Variants in EXT2 observed in about 807,000 individuals in gnomAD.
EXT2 encodes the protein exostosin glycosyltransferase 2, also known as exostosin-2.
In EXT2, 53 loss-of-function variants were observed where a neutral mutation model predicts 81.6. That is an observed-to-expected ratio of 0.65 (90% CI 0.52 to 0.82). The LOEUF (loss-of-function observed/expected upper bound fraction) is 0.82. Ranked by LOEUF, EXT2 falls within the 40% of genes least tolerant of loss-of-function variation. The pLI, the probability that EXT2 is intolerant of heterozygous loss-of-function variation, is 0.00. For missense variants in EXT2, 774 were observed against 910.2 expected (o/e 0.85, Z 1.93); for synonymous variants, 320 against 340.0 (o/e 0.94, Z 0.65).
rs1956112472 is a variant in EXT2, at chr11:44,248,306, G to A, written c.*4019G>A. ...ACTTCCTGAGGAGCAGTTCTGGCAG[G>A]AGTGTTAACCATATTGGCAGCAGCT... On this transcript the variant is annotated 3_prime_UTR_variant, in exon 14 of 14. Coordinates refer to ENST00000533608, the MANE Select transcript of EXT2 (RefSeq NM_207122.2). Among the ~76,000 whole-genome samples, 1 of 152,178 alleles carries A rather than the reference G, an allele frequency of 6.6e-6. No homozygotes were observed. The highest frequency in any genetic ancestry group is 1.5e-5 in the Non-Finnish European group (1 of 68,024).
At chr11:44,130,894 A>G (rs1590576109) in intron 7 of EXT2, among the ~76,000 whole-genome samples, 1 of 152,142 alleles carries the variant, frequency 6.6e-6, no homozygotes, top group South Asian at 2.1e-4. Flanking sequence ...GTCCCATGCC[A>G]CCCCCTGCTG....
chr11:44,172,835 A>T (rs992121804), intron 8 of EXT2, among the ~76,000 whole-genome samples: 1 of 152,048 alleles, frequency 6.6e-6, no homozygotes, highest in African/African-American at 2.4e-5. Context: ...TGTCCTCCCA[A>T]AGTGCTGGGA....
chr11:44,157,029 C>T (rs556408691), intron 7 of EXT2, among the ~76,000 whole-genome samples: 1 of 152,312 alleles, frequency 6.6e-6, no homozygotes, highest in South Asian at 2.1e-4. Flanking sequence ...GAAGAATTCG[C>T]TGGGTACTAG....
intron 1 of EXT2, chr11:44,103,776 T>A (rs1264998200): frequency 3.0e-5 from 10 of 329,416 alleles, no homozygotes; most frequent in Non-Finnish European, 1.8e-5. Flanking sequence ...TTTTTCCATG[T>A]TATCTGAGTT....
At chr11:44,124,742 A>T in intron 4 of EXT2, 47 bp from the exon 5 acceptor site, 1 of 1,566,592 alleles carries the variant, frequency 6.4e-7, no homozygotes. Context: ...TACCTTGACT[A>T]ACATACCAGC....
intron 5 of EXT2, 34 bp downstream of exon 5, chr11:44,125,018 A>G (rs749477847): frequency 2.5e-6 from 4 of 1,602,966 alleles, no homozygotes; most frequent in South Asian, 1.1e-5. Context: ...GCAAAGGCTC[A>G]GGAGAGTTTG....
intron 7 of EXT2, among the ~76,000 whole-genome samples, chr11:44,134,181 A>G (rs904945628): frequency 6.6e-6 from 1 of 152,218 alleles, no homozygotes; most frequent in Non-Finnish European, 1.5e-5. Context: ...TCAGTAGAAG[A>G]CAGTAGTTGT....
rs1247520637 is a variant in EXT2, at chr11:44,248,094, C to T, written c.*3807C>T. On this transcript the variant is annotated 3_prime_UTR_variant, in exon 14 of 14. Transcript: ENST00000533608. ...TGTTGGAGACTTCCCATCAGCCACC[C>T]ATCATGAGCCTGGTGTGTTTCCTTT... is the stretch of plus-strand genomic sequence containing the variant. 3.9e-5 allele frequency among the ~76,000 whole-genome samples: 6 copies of T among 152,168 alleles called. No homozygotes were observed. The highest frequency in any genetic ancestry group is 1.3e-4 in the Admixed American group (2 of 15,270).
At chr11:44,230,462 T>G (rs1285820725) in intron 10 of EXT2, among the ~76,000 whole-genome samples, 3 of 152,206 alleles carry the variant, frequency 2.0e-5, no homozygotes, top group African/African-American at 4.8e-5. Context: ...TACCTCAAAA[T>G]GTGACTTTAT....
chr11:44,185,204 C>G (rs1187514197), intron 8 of EXT2, among the ~76,000 whole-genome samples: 1 of 152,190 alleles, frequency 6.6e-6, no homozygotes, highest in African/African-American at 2.4e-5. Context: ...CCAGCATGAG[C>G]GTTAAAACCA....
chr11:44,154,689 AT>A (rs1446920374), intron 7 of EXT2, among the ~76,000 whole-genome samples: 1 of 151,930 alleles, frequency 6.6e-6, no homozygotes, highest in Admixed American at 6.6e-5. Context: ...GTTTAGTTCT[AT>A]TTTTAGTTTT....
At chr11:44,117,031 G>A (rs1016555385) in intron 4 of EXT2, among the ~76,000 whole-genome samples, 9 of 149,988 alleles carry the variant, frequency 6.0e-5, no homozygotes, top group East Asian at 2.0e-4. Context: ...GTGCAATGGC[G>A]TGATCTCGGC....
At position 44,249,110 on chromosome 11, in the gene EXT2, T is replaced by C. The variant is rs1035225188; in HGVS notation, c.*4823T>C. ...CTCCTGGACTCAAGCAGTCTTCCCA[T>C]CTCAGCCTTCCAAGTAGCTGAGACT... On this transcript the variant is annotated 3_prime_UTR_variant, in exon 14 of 14. Transcript: ENST00000533608. Among the ~76,000 whole-genome samples, 14 of 152,096 alleles carry C rather than the reference T, an allele frequency of 9.2e-5. No individual in the cohort carries two copies. The highest frequency in any genetic ancestry group is 2.1e-4 in the South Asian group (1 of 4,818).
intron 10 of EXT2, among the ~76,000 whole-genome samples, chr11:44,214,777 G>A (rs1955697153): frequency 6.6e-6 from 1 of 150,908 alleles, no homozygotes; most frequent in African/African-American, 2.4e-5. Flanking sequence ...AAAGACAGAG[G>A]GTCTCACTCT....
At chr11:44,146,654 C>T (rs975418672) in intron 7 of EXT2, among the ~76,000 whole-genome samples, 7 of 152,188 alleles carry the variant, frequency 4.6e-5, no homozygotes, top group Non-Finnish European at 8.8e-5. Context: ...GACTTCTACT[C>T]ATGGTTCCCT....
rs1449826145 is a variant in EXT2 at position 44,245,859 on chromosome 11, A to G, written c.*1572A>G. ...GATCGAATCATGGACTATTATTGCCAAAGGGGGCAAGCGATCATCTCATCC... is the reference window on the plus strand; with the variant it reads ...GATCGAATCATGGACTATTATTGCCGAAGGGGGCAAGCGATCATCTCATCC... On this transcript the variant is annotated 3_prime_UTR_variant, in exon 14 of 14. Transcript: ENST00000533608. 6.6e-6 allele frequency among the ~76,000 whole-genome samples: 1 copy of G among 152,262 alleles called. No individual in the cohort carries two copies. Among genetic ancestry groups the G allele is most frequent in the East Asian group, 1.9e-4 (1 of 5,198 alleles).
At position 44,130,094 on chromosome 11, in the gene EXT2, T is replaced by C. The variant is rs751677291; in HGVS notation, c.1129T>C (p.Leu377=). 21 of 1,614,132 alleles carry C rather than the reference T, an allele frequency of 1.3e-5. No individual in the cohort carries two copies. Among genetic ancestry groups the C allele is most frequent in the Non-Finnish European group, 1.6e-5 (19 of 1,180,024 alleles). The change falls in exon 7 of 14, where the codon TTG becomes CTG. Residue 377 remains leucine (L), a synonymous_variant. Coordinates refer to ENST00000533608, the MANE Select transcript of EXT2 (RefSeq NM_207122.2). Reference sequence around the variant, plus strand: ...AAAGATGTCAGATGTGTACAGTATTTTGCAGAGCATCCCCCAAAGACAGAT... The same window carrying C: ...AAAGATGTCAGATGTGTACAGTATTCTGCAGAGCATCCCCCAAAGACAGAT... ...EEKMSDVYSI[L]QSIPQRQIEE...
At chr11:44,243,427 G>A (rs1444573811) in intron 13 of EXT2, among the ~76,000 whole-genome samples, 1 of 152,100 alleles carries the variant, frequency 6.6e-6, no homozygotes, top group East Asian at 1.9e-4. Flanking sequence ...CACTGAAGTA[G>A]TTGTTGCTAA....
At chr11:44,240,549 A>T (rs1290955442) in intron 13 of EXT2, among the ~76,000 whole-genome samples, 2 of 152,226 alleles carry the variant, frequency 1.3e-5, no homozygotes, top group East Asian at 3.8e-4. Flanking sequence ...TGCCTGGGCA[A>T]CATAGCAAAA....
Sources: gnomAD v4.1 joint callset for allele counts (sites outside exome capture counted in the v4.1 genomes callset) on GRCh38, gnomAD v4.1.1 for gene constraint, MANE v1.5 for transcripts, NCBI Gene and HGNC (gene_info 2026-07-23, HGNC 2026-07-21) for gene names.